Variants in PYY observed in about 807,000 individuals in gnomAD.
PYY encodes peptide tyrosine tyrosine.
Under a neutral mutation model 10.3 loss-of-function variants are expected in PYY, and 12 were observed. The observed-to-expected ratio is 1.17, with a 90% confidence interval of 0.75 to 1.89. The LOEUF (loss-of-function observed/expected upper bound fraction) is 1.89. PYY is among the 40% of genes most tolerant of loss of function. The probability of loss-of-function intolerance (pLI) is 0.00; values close to 1 mark genes in which losing one functional copy is unlikely to be tolerated. For synonymous variants in PYY, 66 were observed against 62.0 expected, an observed-to-expected ratio of 1.06 and a Z score of -0.30; for missense variants, 141 against 134.0, an observed-to-expected ratio of 1.05 and a Z score of -0.26.
upstream of PYY, among the ~76,000 whole-genome samples, chr17:43,954,903 G>A (rs548306956): frequency 1.3e-4 from 20 of 152,354 alleles, no homozygotes; most frequent in African/African-American, 2.2e-4. Flanking sequence ...ATCACAAGAC[G>A]ATGAGCTGAG....
chr17:43,976,306 TAC>T (rs1418403006), intron 1 of PYY, among the ~76,000 whole-genome samples: 3 of 151,120 alleles, frequency 2.0e-5, no homozygotes, highest in East Asian at 1.9e-4. Context: ...TGTATACATA[TAC>T]GTATATACAC....
intron 1 of PYY, among the ~76,000 whole-genome samples, chr17:43,969,190 C>T (rs1597848296): frequency 1.3e-5 from 2 of 151,952 alleles, no homozygotes; most frequent in East Asian, 2.0e-4. Context: ...TGGGATTTAT[C>T]CTGACAATGC....
Position 43,953,427 on chromosome 17 carries a change from G to A in PYY, c.57C>T (p.Leu19=), listed in dbSNP as rs1341957614. ...CGTCGACCAGCGCCCCTAGGCAGAC[G>A]AGCAGGGCCAGAAGCACTGTGGTCA... is the stretch of plus-strand genomic sequence containing the variant. ...PALTTVLLAL[L]VCLGALVDAY... is the part of the protein sequence containing the mutation. The change falls in exon 2 of 4, where the codon CTC becomes CTT. Residue 19 remains leucine (L), a synonymous_variant. Coordinates refer to ENST00000692052, the MANE Select transcript of PYY (RefSeq NM_001394028.1). The A allele has an allele frequency of 1.9e-6, 3 of 1,612,908 alleles. No homozygotes were observed. The highest frequency in any genetic ancestry group is 2.5e-6 in the Non-Finnish European group (3 of 1,179,584).
intron 1 of PYY, among the ~76,000 whole-genome samples, chr17:43,971,925 T>C (rs2048796505): frequency 6.6e-6 from 1 of 152,014 alleles, no homozygotes; most frequent in Admixed American, 6.6e-5. Context: ...GTCTAAGAAC[T>C]ATTTGCCTAA....
intron 2 of PYY, among the ~76,000 whole-genome samples, chr17:43,963,336 C>G (rs1462376457): frequency 6.6e-6 from 1 of 151,474 alleles, no homozygotes; most frequent in East Asian, 1.9e-4. Flanking sequence ...GGTGAAACCT[C>G]GTCTCTACTA....
At chr17:43,975,723 AAAATATAT>A (rs1431364030) in intron 1 of PYY, among the ~76,000 whole-genome samples, 14 of 115,264 alleles carry the variant, frequency 1.2e-4, no homozygotes, top group African/African-American at 5.4e-4. Context: ...CTGAAAAAAA[AAAATATAT>A]ATATATATAT....
intron 1 of PYY, among the ~76,000 whole-genome samples, chr17:43,989,673 G>A (rs1350918179): frequency 6.6e-6 from 1 of 151,244 alleles, no homozygotes; most frequent in Non-Finnish European, 1.5e-5. Context: ...CAGCATGGTG[G>A]CTCCACACCT....
intron 1 of PYY, among the ~76,000 whole-genome samples, chr17:43,971,133 C>T (rs2048789828): frequency 6.6e-6 from 1 of 152,108 alleles, no homozygotes; most frequent in Non-Finnish European, 1.5e-5. Context: ...AAATGTTTTC[C>T]AGGATGGCTG....
In PYY at chr17:43,953,497, A is replaced by G; in HGVS notation, c.1-14T>C. On this transcript the variant is annotated splice_polypyrimidine_tract_variant and intron_variant, in intron 1 of 3. Coordinates refer to ENST00000692052, the MANE Select transcript of PYY (RefSeq NM_001394028.1). ...CACGAACACCATCTGGGAAGGCGAC[A>G]TTGGGACGTGGGTCATTCCAAGCCT... 3 of 1,577,396 alleles carry G rather than the reference A, an allele frequency of 1.9e-6. No individual in the cohort carries two copies. In the East Asian group the frequency reaches 6.8e-5, roughly 36 times the overall value.
chr17:43,952,896 A>T lies in PYY; in HGVS notation c.*60T>A. 3 of 1,487,836 alleles carry T rather than the reference A, an allele frequency of 2.0e-6. No homozygotes were observed. Among genetic ancestry groups the T allele is most frequent in the Non-Finnish European group, 2.7e-6 (3 of 1,113,920 alleles). The allele number at this position is 1,487,836 out of a possible 1,614,324, so 92.2% of individuals were successfully genotyped here. A position where few individuals can be genotyped will look rare whatever the true frequency, so the allele number is the denominator to read the frequency against. On this transcript the variant is annotated 3_prime_UTR_variant, in exon 4 of 4. Coordinates refer to ENST00000692052, the MANE Select transcript of PYY (RefSeq NM_001394028.1). Reference sequence around the variant, plus strand: ...CAGAATCCGGGTTTCTGGGGTCGGGAGTGCGTATGCAAATGACGTGGGCGT... The same window carrying T: ...CAGAATCCGGGTTTCTGGGGTCGGGTGTGCGTATGCAAATGACGTGGGCGT...
Position 43,953,173 on chromosome 17 carries a change from C to A in PYY, c.205G>T (p.Gly69Cys), listed in dbSNP as rs759052286. ...GTTTTGGAAAGAAGCGTGTCCGGGCCGTCTCTTTTCCCATACCTGGGGGCG... is the reference window on the plus strand; with the variant it reads ...GTTTTGGAAAGAAGCGTGTCCGGGCAGTCTCTTTTCCCATACCTGGGGGCG... ...VTRQRYGKRD[G>C]PDTLLSKTFF... Residue 69 changes from glycine to cysteine, a missense_variant, in exon 3 of 4, where the codon GGC becomes TGC. Transcript: ENST00000692052. 3 of 1,613,956 alleles carry A rather than the reference C, an allele frequency of 1.9e-6. No individual in the cohort carries two copies. Among genetic ancestry groups the A allele is most frequent in the Admixed American group, 3.3e-5 (2 of 60,026 alleles).
intron 1 of PYY, among the ~76,000 whole-genome samples, chr17:43,968,496 C>T (rs986650519): frequency 1.3e-5 from 2 of 152,102 alleles, no homozygotes; most frequent in Non-Finnish European, 2.9e-5. Flanking sequence ...CTCTCATGGA[C>T]ATATATGTAA....
rs559917763 is a variant in PYY, at chr17:43,969,805, G to A, written c.-462-3273C>T. 9.8e-4 allele frequency among the ~76,000 whole-genome samples: 148 copies of A among 150,910 alleles called. 1 individual carries two copies. Among genetic ancestry groups the A allele is most frequent in the Non-Finnish European group, 1.8e-3 (120 of 67,812 alleles). ...GTCACCCAGACTGGAGTGCAGTGGC[G>A]CCATCTCAGCTCACTGCAACCTCTG... On this transcript the variant is annotated intron_variant, in intron 1 of 6. Transcript: ENST00000360085.
chr17:43,975,125 G>C (rs9892074), intron 1 of PYY, among the ~76,000 whole-genome samples: 2,757 of 152,240 alleles, frequency 0.018, 80 homozygotes, highest in African/African-American at 0.061. Context: ...GTCCAGACAT[G>C]AGGAGTTGCG....
In PYY at chr17:43,989,809, TAAAAAAAAAAAAAAA is replaced by T. The variant is rs1174890162; in HGVS notation, c.-463+14567_-463+14581del. Among the ~76,000 whole-genome samples the T allele has an allele frequency of 4.3e-3, 45 of 10,506 alleles. 5 individuals carry two copies. The East Asian group carries it at 0.049, about 11-fold the overall frequency. The allele number at this position is 10,506 out of a possible 152,430, so 6.9% of individuals were successfully genotyped here. ...GAGACAGACCAAGAGGCTGTCTCTT[TAAAAAAAAAAAAAAA>T]AAAAAAAAAAAAAAAAAAAATATAT... On this transcript the variant is annotated intron_variant, in intron 1 of 6. Transcript: ENST00000360085.
Position 43,975,761 on chromosome 17 carries a change from T to C in PYY, c.-462-9229A>G, listed in dbSNP as rs1195286640. Among the ~76,000 whole-genome samples the C allele has an allele frequency of 9.7e-5, 14 of 143,784 alleles. 1 individual carries two copies. Among genetic ancestry groups the C allele is most frequent in the Non-Finnish European group, 2.0e-4 (13 of 65,796 alleles). The allele number at this position is 143,784 out of a possible 152,430, so 94.3% of individuals were successfully genotyped here. On this transcript the variant is annotated intron_variant, in intron 1 of 6. Coordinates refer to the PYY transcript ENST00000360085. ...ATATATATATACACACACACACACATATATATATACACACATATATACACG... is the reference window on the plus strand; with the variant it reads ...ATATATATATACACACACACACACACATATATATACACACATATATACACG...
At chr17:43,962,878 C>T (rs1174951419) in intron 2 of PYY, among the ~76,000 whole-genome samples, 3 of 152,146 alleles carry the variant, frequency 2.0e-5, no homozygotes, top group African/African-American at 7.2e-5. Flanking sequence ...TTCTTGTCCC[C>T]TGAGCTCTCA....
chr17:43,969,968 T>A (rs943520635), intron 1 of PYY, among the ~76,000 whole-genome samples: 2 of 151,804 alleles, frequency 1.3e-5, no homozygotes, highest in Non-Finnish European at 2.9e-5. Context: ...GGTCTTGAAC[T>A]CCTGACCTCA....
chr17:43,966,897 C>T (rs545241204), intron 1 of PYY, among the ~76,000 whole-genome samples: 1 of 152,328 alleles, frequency 6.6e-6, no homozygotes, highest in African/African-American at 2.4e-5. Context: ...GGTTTACACA[C>T]AGGCACATAC....
Sources: allele counts gnomAD v4.1 joint callset (sites outside exome capture counted in the v4.1 genomes callset), GRCh38; gene constraint gnomAD v4.1.1; transcripts MANE v1.5; gene names NCBI Gene and HGNC (gene_info 2026-07-23, HGNC 2026-07-21).